Variants in ABCC2 observed in about 807,000 individuals in gnomAD.
ABCC2 encodes the protein ATP-binding cassette sub-family C member 2.
ABCC2 carries 157 observed loss-of-function variants against 173.4 expected under a neutral mutation model. That is an observed-to-expected ratio of 0.91 (90% confidence interval 0.80 to 1.03). The LOEUF is 1.03. Among genes scored for constraint, ABCC2 ranks in the 50% least tolerant of loss-of-function variants. ABCC2 has a pLI of 0.00. For synonymous variants in ABCC2, 657 were observed against 693.5 expected (o/e 0.95, Z 0.83); for missense variants, 1,822 against 1,852.3 (o/e 0.98, Z 0.30).
chr10:99,821,423 T>C (rs969306634), intron 19 of ABCC2, among the ~76,000 whole-genome samples: 13 of 152,052 alleles, frequency 8.5e-5, no homozygotes, highest in Admixed American at 6.6e-4. Flanking sequence ...GTCTTTCCCT[T>C]CCCACGAGGC....
Position 99,784,681 on chromosome 10 carries a change from C to T in ABCC2, c.107C>T (p.Pro36Leu), listed in dbSNP as rs368821808. Reference sequence around the variant, plus strand: ...GAGCAAACTGTTCTGGTGTGGATTCCCTTGGGCTACCTATGGCTCCTGGCC... The same window carrying T: ...GAGCAAACTGTTCTGGTGTGGATTCTCTTGGGCTACCTATGGCTCCTGGCC... Reference protein sequence around the residue: ...CFEQTVLVWIPLGYLWLLAPW... With the variant: ...CFEQTVLVWILLGYLWLLAPW... Residue 36 changes from proline (P) to leucine (L), a missense_variant, in exon 2 of 32, where the codon CCC (proline) becomes CTC (leucine). By Grantham distance (98) the Pro-to-Leu change is moderately conservative. Coordinates refer to ENST00000647814, the MANE Select transcript of ABCC2 (RefSeq NM_000392.5). The T allele has an allele frequency of 2.5e-6, 4 of 1,614,070 alleles. No homozygotes were observed. The African/African-American group carries it at 5.3e-5, about 22-fold the overall frequency.
intron 19 of ABCC2, 69 bp downstream of exon 19, chr10:99,819,338 C>T: frequency 4.9e-6 from 7 of 1,429,074 alleles, no homozygotes; most frequent in Admixed American, 1.7e-5. Flanking sequence ...ATATCTAATT[C>T]CTGAACTGCT....
intron 20 of ABCC2, 106 bp downstream of exon 20, chr10:99,830,539 T>G: frequency 6.4e-7 from 1 of 1,570,522 alleles, no homozygotes; most frequent in Non-Finnish European, 8.7e-7. Flanking sequence ...CCATGGACAC[T>G]CCAAGCTCTT....
chr10:99,799,767 G>A (rs994678052), intron 8 of ABCC2, among the ~76,000 whole-genome samples: 10 of 152,270 alleles, frequency 6.6e-5, no homozygotes, highest in South Asian at 2.1e-4. Context: ...AATCTGTCAT[G>A]ACCTGTGGAG....
In ABCC2 at chr10:99,804,081, G is replaced by A. The variant is rs1237568661; in HGVS notation, c.1272G>A (p.Met424Ile). 4 of 1,614,072 alleles carry A rather than the reference G, an allele frequency of 2.5e-6. No homozygotes were observed. Among genetic ancestry groups the A allele is most frequent in the Non-Finnish European group, 3.4e-6 (4 of 1,180,036 alleles). ...EYTVGETVNL[M>I]SVDAQKLMDV... ...CCGTTGGAGAAACAGTGAACCTGAT[G>A]TCTGTGGATGCCCAGAAGCTCATGG... Residue 424 changes from methionine (M) to isoleucine (I), a missense_variant, in exon 10 of 32, where the codon ATG becomes ATA. Transcript: ENST00000647814.
intron 29 of ABCC2, among the ~76,000 whole-genome samples, chr10:99,846,675 G>C (rs7900969): frequency 0.017 from 2,630 of 152,314 alleles, 36 homozygotes; most frequent in South Asian, 0.031. Context: ...GGATGTCAAG[G>C]CTGCAGTGAG....
chr10:99,797,280 G>A lies in ABCC2; in HGVS notation c.816G>A (p.Arg272=). The part of the protein sequence containing the change: ...EKSSQQNSGA[R]LPGLNKNQSQ... The stretch of plus-strand genomic sequence containing the variant: ...GCTCCCAGCAGAACTCTGGAGCCAG[G>A]CTGCCTGGCTTGAACAAGAATCAGA... Residue 272 remains arginine (R), a synonymous_variant, in exon 7 of 32, where the codon AGG becomes AGA. Coordinates refer to ENST00000647814, the MANE Select transcript of ABCC2 (RefSeq NM_000392.5). 6.2e-7 allele frequency: 1 copy of A among 1,613,928 alleles called. No homozygotes were observed. Among genetic ancestry groups the A allele is most frequent in the East Asian group, 2.2e-5 (1 of 44,850 alleles).
intron 16 of ABCC2, among the ~76,000 whole-genome samples, chr10:99,814,378 CATATAT>C (rs1564684757): frequency 1.2e-3 from 29 of 24,102 alleles, no homozygotes; most frequent in South Asian, 2.5e-3. Context: ...TATATATACA[CATATAT>C]ACATATATGG....
At chr10:99,842,122 C>T (rs773816179) in intron 26 of ABCC2, 29 bp downstream of exon 26, 40 of 1,613,622 alleles carry the variant, frequency 2.5e-5, no homozygotes, top group Non-Finnish European at 3.1e-5. Flanking sequence ...AGTTTGGTTT[C>T]GTTAGTGTGC....
chr10:99,851,474 A>C, intron 31 of ABCC2, 28 bp from the exon 32 acceptor site: 2 of 1,613,906 alleles, frequency 1.2e-6, no homozygotes, highest in Non-Finnish European at 1.7e-6. Flanking sequence ...GCTTTCTAAG[A>C]CTTTTATTTC....
chr10:99,850,312 C>T (rs1040122682), intron 30 of ABCC2, among the ~76,000 whole-genome samples: 1 of 152,176 alleles, frequency 6.6e-6, no homozygotes, highest in Non-Finnish European at 1.5e-5. Context: ...GCCTGGGGTG[C>T]TTAGTAAAAA....
At chr10:99,796,641 C>T (rs1173708561) in intron 6 of ABCC2, among the ~76,000 whole-genome samples, 4 of 151,850 alleles carry the variant, frequency 2.6e-5, no homozygotes, top group Middle Eastern at 3.2e-3. Context: ...GCCAAGATTG[C>T]GCTACTGCAC....
intron 2 of ABCC2, among the ~76,000 whole-genome samples, chr10:99,787,001 C>CAAA (rs200187648): frequency 9.0e-6 from 1 of 110,524 alleles, no homozygotes. Flanking sequence ...GACTCCGTCT[C>CAAA]AAAAAAAAAA....
intron 14 of ABCC2, among the ~76,000 whole-genome samples, chr10:99,810,662 C>T (rs2038194508): frequency 6.6e-6 from 1 of 152,196 alleles, no homozygotes; most frequent in African/African-American, 2.4e-5. Context: ...AACAGAGGGC[C>T]TGAGAGTATA....
chr10:99,791,019 T>A (rs965400256), intron 2 of ABCC2, among the ~76,000 whole-genome samples: 1 of 152,134 alleles, frequency 6.6e-6, no homozygotes, highest in African/African-American at 2.4e-5. Context: ...GCAGTAATTT[T>A]CCCCCTGATA....
intron 28 of ABCC2, 47 bp downstream of exon 28, chr10:99,844,512 C>T (rs777455537): frequency 5.0e-6 from 8 of 1,605,960 alleles, no homozygotes; most frequent in Non-Finnish European, 5.1e-6. Flanking sequence ...TGTGATCAAA[C>T]AACAATTGGA....
intron 25 of ABCC2, among the ~76,000 whole-genome samples, chr10:99,841,214 T>G (rs1474829809): frequency 6.6e-6 from 1 of 152,148 alleles, no homozygotes; most frequent in Non-Finnish European, 1.5e-5. Context: ...ATGGCATTGC[T>G]TCCCCAGCCT....
chr10:99,817,620 CAT>C lies in ABCC2; in HGVS notation c.2271+137_2271+138del, dbSNP rs937206516. ...CATATTTGGAATAAACACCAGAAAT[CAT>C]GTGTTTGTACTAAGTGGCCACAATA... On this transcript the variant is annotated intron_variant, in intron 17 of 31. Coordinates refer to ENST00000647814, the MANE Select transcript of ABCC2 (RefSeq NM_000392.5). 16 of 992,624 alleles carry C rather than the reference CAT, an allele frequency of 1.6e-5. No individual in the cohort carries two copies. The Admixed American group carries it at 3.0e-4, about 19-fold the overall frequency. The allele number at this position is 992,624 out of a possible 1,614,324, so 61.5% of individuals were successfully genotyped here.
Position 99,800,395 on chromosome 10 carries a change from C to G in ABCC2, c.1041C>G (p.Ile347Met). The G allele has an allele frequency of 6.2e-7, 1 of 1,614,150 alleles. No individual in the cohort carries two copies. The highest frequency in any genetic ancestry group is 1.1e-5 in the South Asian group (1 of 91,086). ...GGCTTTTCTCTGGCAGATTGCTGAT[C>G]TCCTTTGCAAGTGACCGTGACACAT... ...FVSPQLLKLLISFASDRDTYL... is the reference protein window; with the variant it reads ...FVSPQLLKLLMSFASDRDTYL... The change falls in exon 9 of 32, where the codon ATC becomes ATG. Residue 347 changes from isoleucine to methionine, a missense_variant. Transcript: ENST00000647814.
Sources: allele counts gnomAD v4.1 joint callset (sites outside exome capture counted in the v4.1 genomes callset), GRCh38; gene constraint gnomAD v4.1.1; transcripts MANE v1.5; gene names NCBI Gene and HGNC (gene_info 2026-07-23, HGNC 2026-07-21).